The following SPAG16 variants were observed in gnomAD, a reference collection of about 807,000 sequenced individuals.
The protein encoded by SPAG16 is sperm associated antigen 16.
In SPAG16, 86 loss-of-function variants were observed where a neutral mutation model predicts 80.4. The observed-to-expected ratio is 1.07, with a 90% confidence interval of 0.90 to 1.28. The LOEUF (loss-of-function observed/expected upper bound fraction) is 1.28. Ranked by LOEUF, SPAG16 falls within the 50% of genes most tolerant of loss-of-function variation. The probability of loss-of-function intolerance (pLI) is 0.00; values close to 1 mark genes in which losing one functional copy is unlikely to be tolerated. For synonymous variants in SPAG16, 294 were observed against 265.9 expected (o/e 1.11, Z -1.03); for missense variants, 870 against 765.3 (o/e 1.14, Z -1.61).
chr2:213,972,087 C>T (rs1229839013), intron 12 of SPAG16, among the ~76,000 whole-genome samples: 1 of 151,676 alleles, frequency 6.6e-6, no homozygotes, highest in Non-Finnish European at 1.5e-5. Context: ...CTCTGTGTTA[C>T]AAATAATCCA....
intron 10 of SPAG16, among the ~76,000 whole-genome samples, chr2:213,573,209 C>T (rs563669427): frequency 1.5e-4 from 23 of 152,294 alleles, no homozygotes; most frequent in African/African-American, 4.3e-4. Context: ...GCGTCGGTCA[C>T]GCTGGGAGCT....
At chr2:214,235,642 G>C (rs1234451905) in intron 15 of SPAG16, among the ~76,000 whole-genome samples, 1 of 151,950 alleles carries the variant, frequency 6.6e-6, no homozygotes, top group African/African-American at 2.4e-5. Context: ...TACCACTGGT[G>C]GGACAGAAGA....
At chr2:214,240,024 G>A (rs1217332547) in intron 15 of SPAG16, 2 of 152,314 alleles carry the variant, frequency 1.3e-5, no homozygotes, top group Middle Eastern at 3.4e-3. Context: ...GATAAGCACT[G>A]TGTGCCTATG....
At chr2:213,818,817 C>T (rs575477007) in intron 10 of SPAG16, among the ~76,000 whole-genome samples, 2 of 152,194 alleles carry the variant, frequency 1.3e-5, no homozygotes, top group East Asian at 3.9e-4. Flanking sequence ...TTAAAAGTGG[C>T]AGTTTCCCCT....
chr2:213,665,608 A>T (rs2125198518), intron 10 of SPAG16, among the ~76,000 whole-genome samples: 1 of 152,244 alleles, frequency 6.6e-6, no homozygotes, highest in East Asian at 1.9e-4. Context: ...CTTCTAGGAG[A>T]AATGAAGGCT....
chr2:213,353,298 A>G (rs1408995604), intron 7 of SPAG16, among the ~76,000 whole-genome samples: 2 of 152,192 alleles, frequency 1.3e-5, no homozygotes, highest in Non-Finnish European at 2.9e-5. Flanking sequence ...TTTCTGCTCC[A>G]GTACATCAAA....
At chr2:214,056,359 C>G (rs2049946538) in intron 13 of SPAG16, among the ~76,000 whole-genome samples, 1 of 151,200 alleles carries the variant, frequency 6.6e-6, no homozygotes, top group Admixed American at 6.6e-5. Context: ...TATAAGCATA[C>G]CTTGGAGATA....
chr2:214,057,924 G>GT lies in SPAG16; in HGVS notation c.1527+43858dup, dbSNP rs552131851. Among the ~76,000 whole-genome samples, 213 of 146,906 alleles carry GT rather than the reference G, an allele frequency of 1.4e-3. 1 individual carries two copies. Among genetic ancestry groups the GT allele is most frequent in the South Asian group, 0.013 (62 of 4,630 alleles). ...CTAGTTTCCAACTTTTCTTCTGAAG[G>GT]TTTTTTTTTTTCCTCTCTCAGCCTT... On this transcript the variant is annotated intron_variant, in intron 13 of 15. Transcript: ENST00000331683.
intron 15 of SPAG16, among the ~76,000 whole-genome samples, chr2:214,255,710 C>A (rs529651125): frequency 6.6e-6 from 1 of 151,994 alleles, no homozygotes; most frequent in South Asian, 2.1e-4. Context: ...GGTTTTCAAC[C>A]ATATATTAGT....
rs567033777 is a variant in SPAG16, at chr2:213,994,867, G to A, written c.1401-19084G>A. 2.0e-4 allele frequency among the ~76,000 whole-genome samples: 31 copies of A among 152,124 alleles called. No individual in the cohort carries two copies. The South Asian group carries it at 5.8e-3, about 28-fold the overall frequency. ...ATTTAAAGGTTATTGCAAGGTCTTG[G>A]ATAACCCTGAATATTTATTTTTCCA... On this transcript the variant is annotated intron_variant, in intron 12 of 15. Transcript: ENST00000331683.
intron 10 of SPAG16, among the ~76,000 whole-genome samples, chr2:213,508,589 A>T (rs2075072457): frequency 1.3e-5 from 2 of 152,322 alleles, no homozygotes; most frequent in South Asian, 4.1e-4. Flanking sequence ...AAAAGAAAAA[A>T]AAAAATGATG....
At chr2:213,624,279 A>G (rs1361358927) in intron 10 of SPAG16, among the ~76,000 whole-genome samples, 1 of 152,206 alleles carries the variant, frequency 6.6e-6, no homozygotes, top group Non-Finnish European at 1.5e-5. Flanking sequence ...AAGCAAAGTA[A>G]CAATACAGCC....
chr2:214,299,441 G>A (rs1694391681), intron 15 of SPAG16, among the ~76,000 whole-genome samples: 1 of 151,348 alleles, frequency 6.6e-6, no homozygotes, highest in South Asian at 2.1e-4. Context: ...GTAGAGATGG[G>A]GTTTCATCAT....
At chr2:214,171,380 T>C (rs1427632837) in intron 15 of SPAG16, among the ~76,000 whole-genome samples, 4 of 151,978 alleles carry the variant, frequency 2.6e-5, no homozygotes, top group Non-Finnish European at 5.9e-5. Flanking sequence ...ATTTACAAAA[T>C]ATATTTTGTT....
At chr2:213,892,608 G>A (rs1178983683) in intron 11 of SPAG16, among the ~76,000 whole-genome samples, 1 of 151,990 alleles carries the variant, frequency 6.6e-6, no homozygotes, top group Non-Finnish European at 1.5e-5. Context: ...TTAATAAAGA[G>A]ATTAAAATAA....
intron 9 of SPAG16, among the ~76,000 whole-genome samples, chr2:213,451,729 G>C (rs2071702304): frequency 6.6e-6 from 1 of 152,138 alleles, no homozygotes; most frequent in Non-Finnish European, 1.5e-5. Context: ...TTATCTCCGT[G>C]GGGCCTGAAG....
intron 12 of SPAG16, among the ~76,000 whole-genome samples, chr2:214,012,259 C>CATATATATATATATATAT (rs1163146309): frequency 2.8e-4 from 11 of 39,844 alleles, no homozygotes; most frequent in African/African-American, 5.4e-4. Flanking sequence ...TTTATACTTA[C>CATATATATATATATATAT]ATATATATAT....
rs1011708001 is a variant in SPAG16 at position 214,358,297 on chromosome 2, C to A, written c.1721-51843C>A. 2.0e-5 allele frequency among the ~76,000 whole-genome samples: 3 copies of A among 151,830 alleles called. No homozygotes were observed. In the East Asian group the frequency reaches 5.8e-4, roughly 29 times the overall value. Reference sequence around the variant, plus strand: ...TTTTCTTTCCCCAGATCACTTGATCCATTAAAGTACACGGTTTTCTAGGTC... The same window carrying A: ...TTTTCTTTCCCCAGATCACTTGATCAATTAAAGTACACGGTTTTCTAGGTC... On this transcript the variant is annotated intron_variant, in intron 15 of 15. Coordinates refer to ENST00000331683, the MANE Select transcript of SPAG16 (RefSeq NM_024532.5).
At chr2:213,674,160 A>G (rs2125231995) in intron 10 of SPAG16, among the ~76,000 whole-genome samples, 1 of 152,298 alleles carries the variant, frequency 6.6e-6, no homozygotes, top group South Asian at 2.1e-4. Context: ...AGTAAAAATA[A>G]TAGTAAAAGT....
Sources: gnomAD v4.1 joint callset for allele counts (sites outside exome capture counted in the v4.1 genomes callset) on GRCh38, gnomAD v4.1.1 for gene constraint, MANE v1.5 for transcripts, NCBI Gene and HGNC (gene_info 2026-07-23, HGNC 2026-07-21) for gene names.